NXN: variants seen among roughly 807,000 people sequenced by gnomAD.
The protein encoded by NXN is nucleoredoxin 1.
In NXN, 16 loss-of-function variants were observed where a neutral mutation model predicts 48.6. The ratio of observed to expected loss-of-function variants is 0.33; its 90% CI spans 0.22 to 0.50. NXN has a LOEUF of 0.50. NXN is among the 20% of genes least tolerant of loss of function. The pLI is 0.98. For missense variants in NXN, 492 were observed against 605.5 expected, an observed-to-expected ratio of 0.81 and a Z score of 1.97; for synonymous variants, 281 against 269.6, an observed-to-expected ratio of 1.04 and a Z score of -0.41.
chr17:969,572 T>A (rs2069348261), intron 1 of NXN, among the ~76,000 whole-genome samples: 1 of 152,218 alleles, frequency 6.6e-6, no homozygotes, highest in Non-Finnish European at 1.5e-5. Flanking sequence ...CTATTGCACG[T>A]GGTCCCGCCC....
intron 1 of NXN, among the ~76,000 whole-genome samples, chr17:863,084 G>A (rs2068057471): frequency 6.6e-6 from 1 of 152,132 alleles, no homozygotes; most frequent in South Asian, 2.1e-4. Context: ...CGCATATACT[G>A]AAGTCCCACA....
At chr17:827,351 G>A (rs564002774) in intron 1 of NXN, among the ~76,000 whole-genome samples, 2 of 151,682 alleles carry the variant, frequency 1.3e-5, no homozygotes, top group Admixed American at 6.6e-5. Flanking sequence ...GGCCGGGTGC[G>A]GTGGCTCACA....
intron 1 of NXN, among the ~76,000 whole-genome samples, chr17:931,680 C>T (rs1427073780): frequency 2.7e-5 from 4 of 149,320 alleles, no homozygotes; most frequent in African/African-American, 9.9e-5. Flanking sequence ...GCTAAAAATA[C>T]AAAAATTAGC....
chr17:974,803 ATTACT>A (rs1484582693), intron 1 of NXN, among the ~76,000 whole-genome samples: 3 of 149,326 alleles, frequency 2.0e-5, no homozygotes, highest in Non-Finnish European at 2.9e-5. Context: ...CATTGCTCTT[ATTACT>A]TTATTTTTAT....
At chr17:824,625 A>G (rs1012155049) in intron 2 of NXN, among the ~76,000 whole-genome samples, 2 of 152,178 alleles carry the variant, frequency 1.3e-5, no homozygotes, top group African/African-American at 4.8e-5. Flanking sequence ...CCACGCCCAG[A>G]GATTCTGATT....
chr17:839,213 T>C (rs757755517), intron 1 of NXN, among the ~76,000 whole-genome samples: 9 of 152,114 alleles, frequency 5.9e-5, no homozygotes, highest in Non-Finnish European at 1.0e-4. Flanking sequence ...GGCGGGCGGA[T>C]CACTTGAGGT....
chr17:803,770 T>C lies in NXN; in HGVS notation c.1037A>G (p.Gln346Arg). ...EDDGESEAAK[Q>R]LIQPIAEKII... ...TTTCTCAGCTATCGGCTGAATCAGCTGCTTGGCCGCCTCGGACTCTCCGTC... is the reference window on the plus strand; with the variant it reads ...TTTCTCAGCTATCGGCTGAATCAGCCGCTTGGCCGCCTCGGACTCTCCGTC... Residue 346 changes from glutamine to arginine, a missense_variant, in exon 7 of 8, where the codon CAG becomes CGG. Around this residue, in one of 3 missense-constraint regions of NXN, gnomAD observed 303 missense variants for 388.3 expected, o/e 0.78. Coordinates refer to ENST00000336868, the MANE Select transcript of NXN (RefSeq NM_022463.5). 6.2e-7 allele frequency: 1 copy of C among 1,614,238 alleles called. No homozygotes were observed. Among genetic ancestry groups the C allele is most frequent in the Non-Finnish European group, 8.5e-7 (1 of 1,180,040 alleles).
chr17:822,066 G>A (rs1173145587), intron 4 of NXN, among the ~76,000 whole-genome samples: 1 of 152,018 alleles, frequency 6.6e-6, no homozygotes, highest in Non-Finnish European at 1.5e-5. Flanking sequence ...GCCTCATGAG[G>A]TCAGGAGTTT....
intron 1 of NXN, among the ~76,000 whole-genome samples, chr17:931,390 T>C (rs2068851807): frequency 6.7e-6 from 1 of 149,036 alleles, no homozygotes; most frequent in African/African-American, 2.5e-5. Context: ...GAGACGGAGG[T>C]TGTAGTGAGC....
At chr17:904,129 A>G (rs912824628) in intron 1 of NXN, among the ~76,000 whole-genome samples, 7 of 152,244 alleles carry the variant, frequency 4.6e-5, no homozygotes, top group Admixed American at 4.6e-4. Context: ...AGACTGAATA[A>G]GGCCAAACTC....
chr17:859,548 A>G (rs1469892169), intron 1 of NXN, among the ~76,000 whole-genome samples: 1 of 152,196 alleles, frequency 6.6e-6, no homozygotes, highest in Non-Finnish European at 1.5e-5. Flanking sequence ...GGACCAGATA[A>G]TCTTGTATGA....
At chr17:858,701 C>A (rs1349096521) in intron 1 of NXN, among the ~76,000 whole-genome samples, 2 of 151,684 alleles carry the variant, frequency 1.3e-5, no homozygotes, top group Non-Finnish European at 2.9e-5. Context: ...TGCACTCCAG[C>A]CTGGGTGACA....
chr17:918,173 A>T (rs1052724920), intron 1 of NXN, among the ~76,000 whole-genome samples: 2 of 152,206 alleles, frequency 1.3e-5, no homozygotes, highest in Non-Finnish European at 2.9e-5. Context: ...AAAACAACAC[A>T]GCATTTTCCT....
intron 5 of NXN, among the ~76,000 whole-genome samples, chr17:812,912 CTG>C (rs954724945): frequency 0.028 from 3,329 of 117,340 alleles, 116 homozygotes; most frequent in African/African-American, 0.094. Flanking sequence ...GCATGTGTGA[CTG>C]TAGGTGTGTG....
intron 1 of NXN, among the ~76,000 whole-genome samples, chr17:899,891 AAATT>A (rs1477180128): frequency 6.6e-6 from 1 of 152,128 alleles, no homozygotes; most frequent in Admixed American, 6.5e-5. Context: ...CCCTGTCTCT[AAATT>A]AATTATTTTC....
intron 1 of NXN, among the ~76,000 whole-genome samples, chr17:888,570 A>G (rs1279304542): frequency 1.3e-5 from 2 of 152,148 alleles, no homozygotes; most frequent in South Asian, 2.1e-4. Flanking sequence ...TTAGGTCTTC[A>G]GACAATTGCT....
chr17:917,588 G>A lies in NXN; in HGVS notation c.360+61731C>T, dbSNP rs1284488158. ...CCACCCACTCTTTGAACTTAGCACTGGTGTCTACAGGCTCGATTCCCAGCT... is the reference window on the plus strand; with the variant it reads ...CCACCCACTCTTTGAACTTAGCACTAGTGTCTACAGGCTCGATTCCCAGCT... On this transcript the variant is annotated intron_variant, in intron 1 of 7. Transcript: ENST00000336868. The surrounding 1 kb of genome is among the most constrained non-coding windows in gnomAD (Gnocchi z 4.5). 6.6e-6 allele frequency among the ~76,000 whole-genome samples: 1 copy of A among 152,180 alleles called. No individual in the cohort carries two copies. Among genetic ancestry groups the A allele is most frequent in the Non-Finnish European group, 1.5e-5 (1 of 68,026 alleles).
intron 1 of NXN, among the ~76,000 whole-genome samples, chr17:889,735 GAAAGAAAGAAAGAAAGAAAGAAAGAAAA>G (rs1445164166): frequency 3.2e-4 from 25 of 78,730 alleles, no homozygotes; most frequent in South Asian, 2.6e-3. Flanking sequence ...AAGAAAGAAA[GAAAGAAAGAAAGAAAGAAAGAAAGAAAA>G]AGAAAGAAAG....
rs148838467 is a variant in NXN at position 919,767 on chromosome 17, G to A, written c.360+59552C>T. Among the ~76,000 whole-genome samples, 2 of 152,250 alleles carry A rather than the reference G, an allele frequency of 1.3e-5. No individual in the cohort carries two copies. Among genetic ancestry groups the A allele is most frequent in the African/African-American group, 4.8e-5 (2 of 41,540 alleles). On this transcript the variant is annotated intron_variant, in intron 1 of 7. Coordinates refer to ENST00000336868, the MANE Select transcript of NXN (RefSeq NM_022463.5). The surrounding 1 kb of genome is among the most constrained non-coding windows in gnomAD (Gnocchi z 5.1). Reference sequence around the variant, plus strand: ...TCCAGAAAATACAACTAGGGGCAGAGCGGTCCGGCACAAAACACCAGGAAA... The same window carrying A: ...TCCAGAAAATACAACTAGGGGCAGAACGGTCCGGCACAAAACACCAGGAAA...
Sources: gnomAD v4.1 joint callset for allele counts (sites outside exome capture counted in the v4.1 genomes callset) on GRCh38, gnomAD v4.1.1 for gene constraint, gnomAD v4.1.1 regional missense constraint, Gnocchi (gnomAD v3.1) non-coding constraint, MANE v1.5 for transcripts, NCBI Gene and HGNC (gene_info 2026-07-23, HGNC 2026-07-21) for gene names.